Variants in ASIP observed in about 807,000 individuals in gnomAD.
The protein encoded by ASIP is agouti signaling protein.
A neutral mutation model predicts 10.3 loss-of-function variants in ASIP; 11 were observed. That is an observed-to-expected ratio of 1.07 (90% CI 0.68 to 1.78). ASIP has a LOEUF of 1.78. Among genes scored for constraint, ASIP ranks in the 40% most tolerant of loss-of-function variants. ASIP has a pLI of 0.00. For synonymous variants in ASIP, 70 were observed against 70.8 expected, an observed-to-expected ratio of 0.99 and a Z score of 0.06; for missense variants, 180 against 169.2, an observed-to-expected ratio of 1.06 and a Z score of -0.35.
chr20:34,246,996 T>A (rs2035387537), intron 1 of ASIP, among the ~76,000 whole-genome samples: 5 of 152,096 alleles, frequency 3.3e-5, no homozygotes. Flanking sequence ...TTTTTTTGTT[T>A]TTTGTTTTTT....
intron 1 of ASIP, chr20:34,213,803 A>G (rs2034989898): frequency 4.0e-6 from 6 of 1,510,510 alleles, no homozygotes; most frequent in South Asian, 3.4e-5. Flanking sequence ...AGGGCCAGCA[A>G]GAATGTCTGT....
intron 1 of ASIP, among the ~76,000 whole-genome samples, chr20:34,218,885 G>C (rs562874527): frequency 6.6e-6 from 1 of 151,980 alleles, no homozygotes; most frequent in African/African-American, 2.4e-5. Context: ...GGATGGTCTC[G>C]ATCTCCTGAC....
intron 3 of ASIP, among the ~76,000 whole-genome samples, chr20:34,266,541 T>G (rs939613958): frequency 3.3e-5 from 5 of 150,206 alleles, no homozygotes; most frequent in Non-Finnish European, 7.4e-5. Flanking sequence ...GGCGTGGTGG[T>G]GCACGCCTGT....
chr20:34,205,564 G>A (rs1423654749), intron 1 of ASIP, among the ~76,000 whole-genome samples: 1 of 150,424 alleles, frequency 6.6e-6, no homozygotes, highest in Non-Finnish European at 1.5e-5. Flanking sequence ...AGCGTGGAAG[G>A]GGACCCAAAC....
chr20:34,243,553 G>C (rs2035316651), intron 1 of ASIP, among the ~76,000 whole-genome samples: 1 of 152,006 alleles, frequency 6.6e-6, no homozygotes, highest in South Asian at 2.1e-4. Context: ...AACTGCATTT[G>C]CTAAGAACTG....
intron 1 of ASIP, among the ~76,000 whole-genome samples, chr20:34,210,919 T>C (rs1367679941): frequency 1.3e-5 from 2 of 152,204 alleles, no homozygotes; most frequent in African/African-American, 2.4e-5. Context: ...CATGGAGTAT[T>C]AGTCCTTTTA....
chr20:34,239,167 C>A (rs1385464778), upstream of ASIP, among the ~76,000 whole-genome samples: 1 of 152,152 alleles, frequency 6.6e-6, no homozygotes, highest in Non-Finnish European at 1.5e-5. Context: ...TCCCATCCCC[C>A]ATCTCACCAC....
At chr20:34,216,902 A>G (rs1379954840) in intron 1 of ASIP, among the ~76,000 whole-genome samples, 8 of 152,128 alleles carry the variant, frequency 5.3e-5, no homozygotes. Context: ...AAATTTTAGA[A>G]CCATGTTGTC....
chr20:34,225,547 A>G (rs1203670411), intron 1 of ASIP, among the ~76,000 whole-genome samples: 2 of 152,136 alleles, frequency 1.3e-5, no homozygotes, highest in Non-Finnish European at 2.9e-5. Flanking sequence ...TCAACTTCAC[A>G]TGTAATTTAC....
intron 1 of ASIP, among the ~76,000 whole-genome samples, chr20:34,256,734 CCTAATTTATAACATGCCTCTT>C (rs1280127684): frequency 6.6e-6 from 1 of 152,200 alleles, no homozygotes; most frequent in African/African-American, 2.4e-5. Flanking sequence ...CGTACCGCCT[CCTAATTTATAACATGCCTCTT>C]GTAACTTGCC....
rs1404336328 is a variant in ASIP, at chr20:34,214,355, G to A, written c.-11+19595G>A. The A allele has an allele frequency of 1.1e-5, 14 of 1,315,042 alleles. No homozygotes were observed. The East Asian group carries it at 1.1e-4, about 11-fold the overall frequency. 81.5% of individuals were successfully genotyped at this position (1,315,042 alleles called of 1,614,324 possible). A position where few individuals can be genotyped will look rare whatever the true frequency, so the allele number is the denominator to read the frequency against. On this transcript the variant is annotated intron_variant, in intron 1 of 3. Transcript: ENST00000568305. ...ACTTTTCATATCTAACAACAGTTTC[G>A]AAGAACTCCAACGTCACAGATGTAT...
At chr20:34,223,499 G>A (rs2035067760) in intron 1 of ASIP, among the ~76,000 whole-genome samples, 1 of 151,586 alleles carries the variant, frequency 6.6e-6, no homozygotes, top group African/African-American at 2.4e-5. Context: ...AGGGAGGTGG[G>A]GGGTCAGCCC....
At chr20:34,187,827 T>C in the ASIP span, among the ~76,000 whole-genome samples, 1 of 152,218 alleles carries the variant, frequency 6.6e-6, no homozygotes, top group Non-Finnish European at 1.5e-5. Flanking sequence ...ACTCTATCAC[T>C]TGAAAATGGG....
upstream of ASIP, among the ~76,000 whole-genome samples, chr20:34,190,917 T>C (rs563843740): frequency 7.9e-5 from 12 of 152,312 alleles, no homozygotes; most frequent in African/African-American, 2.9e-4. Flanking sequence ...GAGTCCACCA[T>C]TGACTCAGGC....
In ASIP at chr20:34,233,990, G is replaced by A. The variant is rs534394757; in HGVS notation, c.-10-26375G>A. On this transcript the variant is annotated intron_variant, in intron 1 of 3. Coordinates refer to the ASIP transcript ENST00000568305. ...GAGACAAATAGGCTAACTTTTGGCA[G>A]AGGTCACAAATCTGGCATGTAGTGG... Among the ~76,000 whole-genome samples the A allele has an allele frequency of 8.5e-5, 13 of 152,354 alleles. No individual in the cohort carries two copies. The East Asian group carries it at 2.5e-3, about 29-fold the overall frequency.
At chr20:34,220,957 T>C (rs1249380061) in intron 1 of ASIP, among the ~76,000 whole-genome samples, 166 of 146,118 alleles carry the variant, frequency 1.1e-3, no homozygotes, top group African/African-American at 3.5e-3. Flanking sequence ...TTCCTTCTTT[T>C]TTTTTTTTTT....
intron 1 of ASIP, among the ~76,000 whole-genome samples, chr20:34,200,969 TTTCCTTCCTTCCTTCC>T (rs1179933802): frequency 1.5e-4 from 11 of 72,928 alleles, no homozygotes; most frequent in Admixed American, 6.9e-4. Context: ...TCTTTCTTTC[TTTCCTTCCTTCCTTCC>T]TTCCTTCCTT....
At chr20:34,213,545 C>G (rs1327192182) in intron 1 of ASIP, 6 of 1,532,894 alleles carry the variant, frequency 3.9e-6, no homozygotes, top group Non-Finnish European at 5.3e-6. Flanking sequence ...AGTAGCACTT[C>G]AAAAATTGCA....
chr20:34,260,298 A>C (rs947830307), intron 1 of ASIP, 67 bp from the exon 2 acceptor site: 2 of 1,478,042 alleles, frequency 1.4e-6, no homozygotes, highest in Non-Finnish European at 1.8e-6. Flanking sequence ...AAGCACAAAG[A>C]AAGCAGGAAG....
Sources: allele counts gnomAD v4.1 joint callset (sites outside exome capture counted in the v4.1 genomes callset), GRCh38; gene constraint gnomAD v4.1.1; transcripts MANE v1.5; gene names NCBI Gene and HGNC (gene_info 2026-07-23, HGNC 2026-07-21).